Variants in EYS observed in about 807,000 individuals in gnomAD.
EYS encodes the protein protein eyes shut homolog.
EYS carries 250 observed loss-of-function variants against 282.1 expected under a neutral mutation model. The ratio of observed to expected loss-of-function variants is 0.89; its 90% CI spans 0.80 to 0.98. The LOEUF is 0.98. Among genes scored for constraint, EYS ranks in the 50% least tolerant of loss-of-function variants. EYS has a pLI of 0.00. For synonymous variants in EYS, 1,355 were observed against 1,282.9 expected (o/e 1.06, Z -1.20); for missense variants, 4,016 against 3,709.0 (o/e 1.08, Z -2.15).
intron 31 of EYS, among the ~76,000 whole-genome samples, chr6:64,116,054 A>G (rs974028219): frequency 6.6e-6 from 1 of 152,102 alleles, no homozygotes. Flanking sequence ...GAAGTTCAAT[A>G]AAGAGATATC....
intron 26 of EYS, among the ~76,000 whole-genome samples, chr6:64,470,354 A>C (rs2150491775): frequency 6.6e-6 from 1 of 152,354 alleles, no homozygotes; most frequent in South Asian, 2.1e-4. Flanking sequence ...TAAACAATAG[A>C]AAAACAATCA....
intron 31 of EYS, among the ~76,000 whole-genome samples, chr6:64,213,720 G>A (rs1765850942): frequency 6.6e-6 from 1 of 152,038 alleles, no homozygotes; most frequent in Admixed American, 6.6e-5. Flanking sequence ...AAACATTAGA[G>A]GGCATTTTAG....
At chr6:65,663,417 C>T (rs1284233435) in intron 1 of EYS, among the ~76,000 whole-genome samples, 3 of 151,794 alleles carry the variant, frequency 2.0e-5, no homozygotes, top group Non-Finnish European at 2.9e-5. Context: ...GTCCCATTTA[C>T]AAAAAGGAAG....
chr6:65,131,792 T>A (rs942623819), intron 12 of EYS, among the ~76,000 whole-genome samples: 3 of 151,920 alleles, frequency 2.0e-5, no homozygotes, highest in Non-Finnish European at 2.9e-5. Flanking sequence ...AGGAGTTGGT[T>A]TTTTGAAAAA....
intron 31 of EYS, among the ~76,000 whole-genome samples, chr6:64,226,230 C>G (rs1334037050): frequency 1.3e-5 from 2 of 152,072 alleles, no homozygotes; most frequent in African/African-American, 4.8e-5. Context: ...GCAAAGATAT[C>G]AAGGCAGTCT....
intron 22 of EYS, among the ~76,000 whole-genome samples, chr6:64,640,085 T>C (rs1188976515): frequency 2.1e-5 from 3 of 144,810 alleles, no homozygotes; most frequent in Non-Finnish European, 4.5e-5. Flanking sequence ...AGAGAGGATA[T>C]GGAGAAATAG....
Position 64,306,957 on chromosome 6 carries a change from A to G in EYS, c.6191+13T>C. 1 of 1,204,616 alleles carries G rather than the reference A, an allele frequency of 8.3e-7. No individual in the cohort carries two copies. The highest frequency in any genetic ancestry group is 1.2e-6 in the Non-Finnish European group (1 of 834,610). 74.6% of individuals were successfully genotyped at this position (1,204,616 alleles called of 1,614,324 possible). On this transcript the variant is annotated intron_variant, in intron 30 of 42. Transcript: ENST00000503581. ...TGAACAAGTTATTAGAAAAATCACTACTGCTATTTTACCTGCAATTGTTAA... is the reference window on the plus strand; with the variant it reads ...TGAACAAGTTATTAGAAAAATCACTGCTGCTATTTTACCTGCAATTGTTAA...
chr6:64,095,315 CT>C (rs1489930740), intron 31 of EYS, among the ~76,000 whole-genome samples: 1 of 152,028 alleles, frequency 6.6e-6, no homozygotes, highest in Non-Finnish European at 1.5e-5. Flanking sequence ...TCCTTGTTAA[CT>C]TTCTGTCTCG....
intron 12 of EYS, among the ~76,000 whole-genome samples, chr6:65,098,429 C>T (rs2150182015): frequency 6.6e-6 from 1 of 150,786 alleles, no homozygotes; most frequent in Middle Eastern, 3.4e-3. Flanking sequence ...ATTTAAAGTA[C>T]TTGTGTAAGC....
chr6:65,322,949 C>G (rs148846161), intron 11 of EYS, among the ~76,000 whole-genome samples: 21,283 of 151,526 alleles, frequency 0.14, 1,549 homozygotes, highest in South Asian at 0.17. Context: ...TAAATAACTA[C>G]TTGATGTGTC....
chr6:65,009,538 G>A (rs1465348771), intron 13 of EYS, among the ~76,000 whole-genome samples: 2 of 152,102 alleles, frequency 1.3e-5, no homozygotes, highest in Non-Finnish European at 2.9e-5. Flanking sequence ...CCTTTGAAGA[G>A]CCTTCAAACC....
chr6:65,610,697 G>A (rs975570467), intron 2 of EYS, among the ~76,000 whole-genome samples: 11 of 151,816 alleles, frequency 7.2e-5, no homozygotes, highest in African/African-American at 2.2e-4. Context: ...TTTTATTAAC[G>A]GATTAATTTT....
intron 22 of EYS, among the ~76,000 whole-genome samples, chr6:64,783,738 C>G (rs1402258744): frequency 6.6e-6 from 1 of 152,074 alleles, no homozygotes; most frequent in Non-Finnish European, 1.5e-5. Context: ...AAGCTTTTAT[C>G]TTTCATTTGA....
intron 12 of EYS, among the ~76,000 whole-genome samples, chr6:65,096,690 C>G (rs1393658612): frequency 6.6e-6 from 1 of 150,962 alleles, no homozygotes; most frequent in Non-Finnish European, 1.5e-5. Flanking sequence ...TGGAAATAAA[C>G]TCATGCATAT....
At chr6:64,199,716 TAAAC>T (rs1765404192) in intron 31 of EYS, among the ~76,000 whole-genome samples, 1 of 147,368 alleles carries the variant, frequency 6.8e-6, no homozygotes, top group Non-Finnish European at 1.5e-5. Flanking sequence ...ACAAAGAACT[TAAAC>T]AAATTTACAA....
intron 26 of EYS, among the ~76,000 whole-genome samples, chr6:64,567,424 C>T (rs951850022): frequency 2.6e-5 from 4 of 152,100 alleles, no homozygotes; most frequent in Admixed American, 2.6e-4. Flanking sequence ...TTGTTGAAGA[C>T]ATTCTAGGTG....
chr6:64,857,165 T>C (rs911129665), intron 19 of EYS, among the ~76,000 whole-genome samples: 2 of 152,200 alleles, frequency 1.3e-5, no homozygotes, highest in African/African-American at 4.8e-5. Context: ...TAATAAAGTA[T>C]AGTAAGTAAG....
intron 36 of EYS, among the ~76,000 whole-genome samples, chr6:63,845,790 T>C (rs367945512): frequency 9.2e-5 from 14 of 152,286 alleles, no homozygotes; most frequent in East Asian, 5.8e-4. Flanking sequence ...CAGGGCTAGT[T>C]TGAATAACCA....
At chr6:63,761,775 G>T (rs1769648867) in intron 41 of EYS, among the ~76,000 whole-genome samples, 1 of 151,938 alleles carries the variant, frequency 6.6e-6, no homozygotes, top group South Asian at 2.1e-4. Context: ...TGGCAGGTGG[G>T]TCCTTATGTC....
Sources: allele counts gnomAD v4.1 joint callset (sites outside exome capture counted in the v4.1 genomes callset), GRCh38; gene constraint gnomAD v4.1.1; transcripts MANE v1.5; gene names NCBI Gene and HGNC (gene_info 2026-07-23, HGNC 2026-07-21).